The following LRBA variants were observed in gnomAD, a reference collection of about 807,000 sequenced individuals.
LRBA encodes lipopolysaccharide-responsive and beige-like anchor protein.
A neutral mutation model predicts 330.0 loss-of-function variants in LRBA; 176 were observed. The ratio of observed to expected loss-of-function variants is 0.53; its 90% CI spans 0.47 to 0.60. LRBA has a LOEUF of 0.60. LRBA is among the 20% of genes least tolerant of loss of function. The pLI, the probability that LRBA is intolerant of heterozygous loss-of-function variation, is 0.00. For missense variants in LRBA, 3,259 were observed against 3,444.8 expected (o/e 0.95, Z 1.35); for synonymous variants, 1,230 against 1,193.0 (o/e 1.03, Z -0.64).
intron 47 of LRBA, among the ~76,000 whole-genome samples, chr4:150,394,207 A>G (rs1021667037): frequency 6.6e-6 from 1 of 152,174 alleles, no homozygotes; most frequent in Non-Finnish European, 1.5e-5. Flanking sequence ...ATCTATTTAC[A>G]GCCAAGAGAG....
intron 36 of LRBA, among the ~76,000 whole-genome samples, chr4:150,700,937 T>A (rs1639427394): frequency 6.6e-6 from 1 of 152,086 alleles, no homozygotes; most frequent in Admixed American, 6.6e-5. Flanking sequence ...CTTTTTTATT[T>A]TTTGTAGAGA....
intron 37 of LRBA, among the ~76,000 whole-genome samples, chr4:150,636,788 C>G (rs192818599): frequency 1.3e-5 from 2 of 152,310 alleles, no homozygotes; most frequent in Admixed American, 6.5e-5. Context: ...ATTGGCACCA[C>G]AGACATGCAC....
intron 37 of LRBA, among the ~76,000 whole-genome samples, chr4:150,607,455 T>C (rs1419614541): frequency 6.6e-6 from 1 of 151,824 alleles, no homozygotes; most frequent in Admixed American, 6.6e-5. Flanking sequence ...AAGATAAAGA[T>C]GCTATTTAAT....
At chr4:150,899,288 G>C (rs1350503328) in intron 14 of LRBA, among the ~76,000 whole-genome samples, 1 of 152,142 alleles carries the variant, frequency 6.6e-6, no homozygotes, top group Non-Finnish European at 1.5e-5. Flanking sequence ...GATGTGAAAG[G>C]GGACCGGCTG....
chr4:150,781,112 C>T (rs1487393392), intron 34 of LRBA, among the ~76,000 whole-genome samples: 3 of 152,176 alleles, frequency 2.0e-5, no homozygotes, highest in Non-Finnish European at 4.4e-5. Context: ...ATCTCCTGAC[C>T]TCATGATCCG....
At position 150,415,183 on chromosome 4, in the gene LRBA, C is replaced by CTTAA. The variant is rs144548467; in HGVS notation, c.7194+251_7194+254dup. On this transcript the variant is annotated intron_variant, in intron 47 of 56. Transcript: ENST00000651943. ...ATCCCAATTTCACTTCTAACTTTCG[C>CTTAA]TTAAAATTTTGAATCATCATGTATA... Among the ~76,000 whole-genome samples, 5,500 of 152,240 alleles carry CTTAA rather than the reference C, an allele frequency of 0.036. 194 individuals carry two copies. The highest frequency in any genetic ancestry group is 0.079 in the African/African-American group (3,287 of 41,524).
At chr4:150,761,402 A>G (rs1014565420) in intron 35 of LRBA, among the ~76,000 whole-genome samples, 1 of 151,940 alleles carries the variant, frequency 6.6e-6, no homozygotes, top group Non-Finnish European at 1.5e-5. Flanking sequence ...CCCTCCCATT[A>G]TGATCAGCGT....
intron 55 of LRBA, among the ~76,000 whole-genome samples, chr4:150,281,502 G>T (rs184159068): frequency 1.3e-5 from 2 of 152,104 alleles, no homozygotes; most frequent in African/African-American, 4.8e-5. Flanking sequence ...TTAGGAGAAG[G>T]GGGTGATCAG....
chr4:150,361,945 G>C (rs934457383), intron 47 of LRBA, among the ~76,000 whole-genome samples: 1 of 151,890 alleles, frequency 6.6e-6, no homozygotes. Flanking sequence ...CTAATCTTTT[G>C]TATTTTTTAG....
intron 56 of LRBA, among the ~76,000 whole-genome samples, chr4:150,275,025 C>G (rs1043341460): frequency 6.6e-6 from 1 of 152,152 alleles, no homozygotes; most frequent in Non-Finnish European, 1.5e-5. Flanking sequence ...ATGCGAAAAT[C>G]CTCAATAAAA....
At chr4:150,684,608 C>A (rs1783366655) in intron 36 of LRBA, among the ~76,000 whole-genome samples, 1 of 152,166 alleles carries the variant, frequency 6.6e-6, no homozygotes, top group African/African-American at 2.4e-5. Context: ...ATGCTTATTT[C>A]TCTTCTTTTG....
At chr4:150,897,181 A>G (rs1730182302) in intron 15 of LRBA, among the ~76,000 whole-genome samples, 1 of 152,058 alleles carries the variant, frequency 6.6e-6, no homozygotes, top group Non-Finnish European at 1.5e-5. Flanking sequence ...GACAACTAAT[A>G]AAGCATTATA....
Position 150,899,958 on chromosome 4 carries a change from C to T in LRBA, c.1924+91G>A, listed in dbSNP as rs1730537926. 3 of 892,376 alleles carry T rather than the reference C, an allele frequency of 3.4e-6. No homozygotes were observed. In the African/African-American group the frequency reaches 5.2e-5, roughly 15 times the overall value. The allele number at this position is 892,376 out of a possible 1,614,324, so 55.3% of individuals were successfully genotyped here. A position where few individuals can be genotyped will look rare whatever the true frequency, so the allele number is the denominator to read the frequency against. ...CATAATGGAATATAGAAAAACTGCC[C>T]AAATATATGATAGTACTGGTTAAAA... On this transcript the variant is annotated intron_variant, in intron 14 of 56. Coordinates refer to ENST00000651943, the MANE Select transcript of LRBA (RefSeq NM_001364905.1).
rs1415627648 is a variant in LRBA, at chr4:150,600,772, G to A, written c.5922-1641C>T. On this transcript the variant is annotated intron_variant, in intron 37 of 56. Transcript: ENST00000651943. Reference sequence around the variant, plus strand: ...CCACAGAATATACATACAATCAAAAGACAACAGTTGTTTTAACTCAATTAA... The same window carrying A: ...CCACAGAATATACATACAATCAAAAAACAACAGTTGTTTTAACTCAATTAA... Among the ~76,000 whole-genome samples the A allele has an allele frequency of 2.0e-5, 3 of 151,928 alleles. 1 individual carries two copies. Among genetic ancestry groups the A allele is most frequent in the South Asian group, 4.2e-4 (2 of 4,790 alleles).
intron 56 of LRBA, among the ~76,000 whole-genome samples, chr4:150,271,282 C>T (rs75486897): frequency 0.091 from 13,814 of 151,424 alleles, 914 homozygotes; most frequent in South Asian, 0.23. Flanking sequence ...ACAGGGCGGC[C>T]GTTTGGGTAG....
At chr4:150,850,703 A>C in intron 24 of LRBA, 21 bp downstream of exon 24, 1 of 1,495,774 alleles carries the variant, frequency 6.7e-7, no homozygotes. Context: ...CACATCTTCC[A>C]TAATAAACAT....
chr4:150,652,948 A>G (rs1473932538), intron 37 of LRBA, among the ~76,000 whole-genome samples: 1 of 152,182 alleles, frequency 6.6e-6, no homozygotes, highest in Non-Finnish European at 1.5e-5. Flanking sequence ...CTTCTTTCCT[A>G]ATGATTTTAG....
chr4:150,597,277 AAAGCTGAC>A (rs1358117589), intron 38 of LRBA, among the ~76,000 whole-genome samples: 1 of 151,904 alleles, frequency 6.6e-6, no homozygotes, highest in Non-Finnish European at 1.5e-5. Context: ...TAGCATTAAA[AAAGCTGAC>A]AAAACAATAT....
chr4:150,848,562 G>GAAAAAAAAAAAAAAAAAAAAAA (rs9331496), intron 26 of LRBA, among the ~76,000 whole-genome samples: 1 of 120,044 alleles, frequency 8.3e-6, no homozygotes. Flanking sequence ...GGAGAAAAAA[G>GAAAAAAAAAAAAAAAAAAAAAA]AAAAAAAAAA....
Sources: gnomAD v4.1 joint callset for allele counts (sites outside exome capture counted in the v4.1 genomes callset) on GRCh38, gnomAD v4.1.1 for gene constraint, MANE v1.5 for transcripts, NCBI Gene and HGNC (gene_info 2026-07-23, HGNC 2026-07-21) for gene names.